Variants in KCNIP4 observed in about 807,000 individuals in gnomAD.
The protein encoded by KCNIP4 is potassium voltage-gated channel interacting protein 4, also known as Kv channel-interacting protein 4.
KCNIP4 carries 12 observed loss-of-function variants against 34.0 expected under a neutral mutation model. The ratio of observed to expected loss-of-function variants is 0.35; its 90% CI spans 0.23 to 0.57. The LOEUF is 0.57. KCNIP4 is among the 20% of genes least tolerant of loss of function. The probability of loss-of-function intolerance (pLI) is 0.83; values close to 1 mark genes in which losing one functional copy is unlikely to be tolerated. For synonymous variants in KCNIP4, 124 were observed against 102.2 expected (o/e 1.21, Z -1.29); for missense variants, 238 against 311.7 (o/e 0.76, Z 1.78).
At chr4:21,319,632 T>C (rs1000770366) in intron 1 of KCNIP4, among the ~76,000 whole-genome samples, 2 of 152,196 alleles carry the variant, frequency 1.3e-5, no homozygotes, top group East Asian at 3.9e-4. Context: ...GTCCTCCCCT[T>C]GTGAAGGTAA....
chr4:21,264,414 G>A (rs7669586), intron 1 of KCNIP4, among the ~76,000 whole-genome samples: 17,829 of 152,192 alleles, frequency 0.12, 1,215 homozygotes, highest in African/African-American at 0.18. Context: ...GCATGGAGAT[G>A]ATTAGCATGG....
intron 1 of KCNIP4, among the ~76,000 whole-genome samples, chr4:21,193,814 A>C (rs12641074): frequency 6.6e-6 from 1 of 151,732 alleles, no homozygotes; most frequent in Non-Finnish European, 1.5e-5. Context: ...CTCGTGATCC[A>C]CCCACCTCGG....
intron 1 of KCNIP4, among the ~76,000 whole-genome samples, chr4:21,927,069 A>G (rs776285455): frequency 5.9e-5 from 9 of 152,142 alleles, no homozygotes; most frequent in Non-Finnish European, 1.2e-4. Context: ...CCAGCTTTTA[A>G]GGCCACCTAC....
intron 1 of KCNIP4, among the ~76,000 whole-genome samples, chr4:21,922,501 T>C (rs764508473): frequency 6.6e-6 from 1 of 152,226 alleles, no homozygotes; most frequent in Non-Finnish European, 1.5e-5. Flanking sequence ...TTTATATGCT[T>C]CATGGTTTTA....
chr4:21,632,783 A>G (rs1443392646), intron 1 of KCNIP4, among the ~76,000 whole-genome samples: 3 of 152,180 alleles, frequency 2.0e-5, no homozygotes, highest in South Asian at 4.1e-4. Flanking sequence ...TATCTGGAGC[A>G]GGAGATGGAG....
At chr4:21,494,491 G>C (rs185866604) in intron 1 of KCNIP4, among the ~76,000 whole-genome samples, 182 of 152,100 alleles carry the variant, frequency 1.2e-3, no homozygotes, top group Non-Finnish European at 2.3e-3. Context: ...TCCCTATTAA[G>C]GTGCTGAGTG....
chr4:21,248,311 G>A (rs896589983), intron 1 of KCNIP4, among the ~76,000 whole-genome samples: 7 of 151,838 alleles, frequency 4.6e-5, no homozygotes, highest in African/African-American at 9.7e-5. Context: ...TTGGTTGCTC[G>A]CCTGAGAGAA....
intron 1 of KCNIP4, among the ~76,000 whole-genome samples, chr4:21,418,400 G>A (rs1298500602): frequency 5.3e-5 from 8 of 152,180 alleles, no homozygotes; most frequent in Non-Finnish European, 1.2e-4. Flanking sequence ...GGGAGGCTGA[G>A]ACAGAAGTAT....
intron 1 of KCNIP4, among the ~76,000 whole-genome samples, chr4:21,041,298 A>C (rs967985100): frequency 8.6e-5 from 13 of 151,698 alleles, no homozygotes; most frequent in African/African-American, 2.9e-4. Context: ...GGGCTTCTCT[A>C]TTGGCCTGTG....
chr4:21,298,148 T>C lies in KCNIP4; in HGVS notation c.62-415439A>G, dbSNP rs75297223. ...GGCGAGGCATATGCAACACTTTTTT[T>C]CATCCTCTTTGTCTTATACAGGTTC... On this transcript the variant is annotated intron_variant, in intron 1 of 8. Coordinates refer to ENST00000382152, the MANE Select transcript of KCNIP4 (RefSeq NM_025221.6). Among the ~76,000 whole-genome samples, 5 of 152,282 alleles carry C rather than the reference T, an allele frequency of 3.3e-5. No individual in the cohort carries two copies. In the East Asian group the frequency reaches 5.8e-4, roughly 18 times the overall value.
At chr4:21,880,355 G>GC (rs956847913) in intron 1 of KCNIP4, among the ~76,000 whole-genome samples, 1 of 152,062 alleles carries the variant, frequency 6.6e-6, no homozygotes, top group Non-Finnish European at 1.5e-5. Flanking sequence ...AAATTTTAAG[G>GC]CATTCCATGT....
chr4:21,776,781 T>C (rs1235016892), intron 1 of KCNIP4, among the ~76,000 whole-genome samples: 2 of 152,100 alleles, frequency 1.3e-5, no homozygotes, highest in Non-Finnish European at 2.9e-5. Flanking sequence ...TTTTATTTTA[T>C]TTTTTGAGAC....
intron 1 of KCNIP4, among the ~76,000 whole-genome samples, chr4:21,137,878 G>GTT (rs71189685): frequency 3.0e-5 from 4 of 133,886 alleles, no homozygotes; most frequent in South Asian, 2.4e-4. Flanking sequence ...AGGCTTTTTT[G>GTT]TTTTTTTTTT....
At chr4:21,117,452 AATAG>A (rs1341787257) in intron 1 of KCNIP4, among the ~76,000 whole-genome samples, 2 of 152,120 alleles carry the variant, frequency 1.3e-5, no homozygotes, top group African/African-American at 4.8e-5. Flanking sequence ...TCTATTTTTT[AATAG>A]ATAGGTTCTG....
intron 1 of KCNIP4, among the ~76,000 whole-genome samples, chr4:21,528,658 C>G (rs768673748): frequency 1.4e-5 from 2 of 143,506 alleles, no homozygotes; most frequent in Non-Finnish European, 3.0e-5. Context: ...CAGAGGGAGA[C>G]TCTGTCTCAT....
intron 1 of KCNIP4, among the ~76,000 whole-genome samples, chr4:21,496,626 GC>G (rs1387210752): frequency 6.6e-6 from 1 of 152,166 alleles, no homozygotes; most frequent in Non-Finnish European, 1.5e-5. Flanking sequence ...CCTACCTACA[GC>G]AGGGGTCCCC....
At chr4:20,858,326 A>G (rs894771372) in intron 2 of KCNIP4, among the ~76,000 whole-genome samples, 1 of 151,300 alleles carries the variant, frequency 6.6e-6, no homozygotes, top group Non-Finnish European at 1.5e-5. Context: ...TGGTACCTTG[A>G]CCTTGAACTT....
At position 21,038,134 on chromosome 4, in the gene KCNIP4, C is replaced by T. The variant is rs924015596; in HGVS notation, c.62-155425G>A. Among the ~76,000 whole-genome samples, 27 of 152,182 alleles carry T rather than the reference C, an allele frequency of 1.8e-4. No homozygotes were observed. In the South Asian group the frequency reaches 5.2e-3, roughly 29 times the overall value. Reference sequence around the variant, plus strand: ...CTGGGATTACAGGCATGTGCCACCACGCCCAGCTAACTTTTTTATTTTTAG... The same window carrying T: ...CTGGGATTACAGGCATGTGCCACCATGCCCAGCTAACTTTTTTATTTTTAG... On this transcript the variant is annotated intron_variant, in intron 1 of 8. Coordinates refer to ENST00000382152, the MANE Select transcript of KCNIP4 (RefSeq NM_025221.6).
intron 1 of KCNIP4, among the ~76,000 whole-genome samples, chr4:21,821,644 T>C (rs1009252904): frequency 3.3e-5 from 5 of 152,132 alleles, no homozygotes; most frequent in Non-Finnish European, 7.4e-5. Flanking sequence ...AATATGCAGT[T>C]AGATAAATGC....
Sources: gnomAD v4.1 joint callset for allele counts (sites outside exome capture counted in the v4.1 genomes callset) on GRCh38, gnomAD v4.1.1 for gene constraint, MANE v1.5 for transcripts, NCBI Gene and HGNC (gene_info 2026-07-23, HGNC 2026-07-21) for gene names.